Variants in CIAO2A observed in about 807,000 individuals in gnomAD.
The protein encoded by CIAO2A is MIP18 family protein FAM96A.
Under a neutral mutation model 22.4 loss-of-function variants are expected in CIAO2A, and 17 were observed. That is an observed-to-expected ratio of 0.76 (90% confidence interval 0.52 to 1.14). The LOEUF is 1.14. Ranked by LOEUF, CIAO2A falls within the 50% of genes most tolerant of loss-of-function variation. The pLI, the probability that CIAO2A is intolerant of heterozygous loss-of-function variation, is 0.00. For missense variants in CIAO2A, 192 were observed against 191.4 expected, an observed-to-expected ratio of 1.00 and a Z score of -0.02; for synonymous variants, 74 against 72.3, an observed-to-expected ratio of 1.02 and a Z score of -0.12.
chr15:64,075,296 A>C lies in CIAO2A; in HGVS notation c.385+196T>G. Reference sequence around the variant, plus strand: ...AAACCAGTCAACATCCGTGGGCTCTAGTGCACTCGGAGTCCACTGCAAAAA... The same window carrying C: ...AAACCAGTCAACATCCGTGGGCTCTCGTGCACTCGGAGTCCACTGCAAAAA... On this transcript the variant is annotated intron_variant, in intron 4 of 4. Coordinates refer to ENST00000300030, the MANE Select transcript of CIAO2A (RefSeq NM_032231.7). 6 of 489,550 alleles carry C rather than the reference A, an allele frequency of 1.2e-5. No homozygotes were observed. In the South Asian group the frequency reaches 1.7e-4, roughly 14 times the overall value. The allele number at this position is 489,550 out of a possible 1,614,324, so 30.3% of individuals were successfully genotyped here.
intron 2 of CIAO2A, among the ~76,000 whole-genome samples, chr15:64,088,108 C>A (rs947566028): frequency 2.6e-5 from 4 of 152,056 alleles, no homozygotes; most frequent in African/African-American, 9.7e-5. Context: ...AAATAAAATC[C>A]CTTTATAACA....
Position 64,073,046 on chromosome 15 carries a change from A to T in CIAO2A, c.386-18T>A. The T allele has an allele frequency of 6.4e-7, 1 of 1,557,010 alleles. No individual in the cohort carries two copies. The highest frequency in any genetic ancestry group is 8.9e-7 in the Non-Finnish European group (1 of 1,128,732). ...CTTATTGACTGAAAAATACACAGAC[A>T]AAAGTTAGCAGAAGAACTGTGTCAA... On this transcript the variant is annotated intron_variant, in intron 4 of 4. Transcript: ENST00000300030.
intron 1 of CIAO2A, among the ~76,000 whole-genome samples, chr15:64,091,181 T>G (rs2080836982): frequency 6.6e-6 from 1 of 152,188 alleles, no homozygotes; most frequent in Non-Finnish European, 1.5e-5. Context: ...GCTTGTCACT[T>G]GATTAGAAAC....
At chr15:64,090,371 C>G (rs546029099) in intron 1 of CIAO2A, 1 of 153,746 alleles carries the variant, frequency 6.5e-6, no homozygotes, top group South Asian at 1.8e-4. Flanking sequence ...AACAAAAAAA[C>G]CTGATGCCTG....
intron 2 of CIAO2A, among the ~76,000 whole-genome samples, chr15:64,085,341 T>C (rs1033704939): frequency 1.3e-5 from 2 of 152,060 alleles, no homozygotes; most frequent in Admixed American, 6.5e-5. Flanking sequence ...CTGGGCAACA[T>C]GGCAAAACTA....
chr15:64,073,606 T>C lies in CIAO2A; in HGVS notation c.386-578A>G, dbSNP rs534089549. On this transcript the variant is annotated intron_variant, in intron 4 of 4. Coordinates refer to ENST00000300030, the MANE Select transcript of CIAO2A (RefSeq NM_032231.7). Reference sequence around the variant, plus strand: ...CAATACCTGGTATTATTATCATTGTTATTATTATTCTTTGAGACAGGGTCC... The same window carrying C: ...CAATACCTGGTATTATTATCATTGTCATTATTATTCTTTGAGACAGGGTCC... 3.3e-5 allele frequency among the ~76,000 whole-genome samples: 5 copies of C among 152,290 alleles called. No homozygotes were observed. In the South Asian group the frequency reaches 8.3e-4, roughly 25 times the overall value.
chr15:64,079,270 G>A (rs977243232), intron 3 of CIAO2A, among the ~76,000 whole-genome samples: 1 of 152,260 alleles, frequency 6.6e-6, no homozygotes, highest in East Asian at 1.9e-4. Context: ...GCCAGGCCCA[G>A]TGGTTCATGC....
At chr15:64,090,729 G>A (rs918731818) in intron 1 of CIAO2A, among the ~76,000 whole-genome samples, 5 of 152,212 alleles carry the variant, frequency 3.3e-5, no homozygotes, top group African/African-American at 1.2e-4. Context: ...GGGGAAGCAA[G>A]TAGGAACTGA....
At chr15:64,092,878 T>G (rs1017106085) in intron 1 of CIAO2A, among the ~76,000 whole-genome samples, 1 of 152,258 alleles carries the variant, frequency 6.6e-6, no homozygotes, top group Non-Finnish European at 1.5e-5. Flanking sequence ...CAAAAAGTTG[T>G]AAGGCAATTG....
chr15:64,086,655 T>C (rs143298569), intron 2 of CIAO2A, among the ~76,000 whole-genome samples: 7,087 of 151,244 alleles, frequency 0.047, 193 homozygotes, highest in South Asian at 0.1. Context: ...ACTCTGTTGC[T>C]TAGGCTGGAG....
At chr15:64,089,011 C>G (rs2080819317) in intron 1 of CIAO2A, among the ~76,000 whole-genome samples, 160 bp from the exon 2 acceptor site, 1 of 152,178 alleles carries the variant, frequency 6.6e-6, no homozygotes, top group South Asian at 2.1e-4. Context: ...CTGGTTTCCT[C>G]TTGAGAAAAC....
At chr15:64,082,605 G>T (rs912282894) in intron 2 of CIAO2A, among the ~76,000 whole-genome samples, 3 of 152,034 alleles carry the variant, frequency 2.0e-5, no homozygotes, top group Non-Finnish European at 4.4e-5. Context: ...CCTTAAGAGG[G>T]TCTCTCTTCA....
chr15:64,091,493 A>G (rs2080839339), intron 1 of CIAO2A, among the ~76,000 whole-genome samples: 1 of 151,990 alleles, frequency 6.6e-6, no homozygotes, highest in African/African-American at 2.4e-5. Flanking sequence ...CAAAAAAAAA[A>G]AAAAAAGAAA....
At position 64,076,653 on chromosome 15, in the gene CIAO2A, A is replaced by G. The variant is rs114422829; in HGVS notation, c.340-1116T>C. 6.7e-3 allele frequency among the ~76,000 whole-genome samples: 1,012 copies of G among 151,496 alleles called. 9 individuals carry two copies. Among genetic ancestry groups the G allele is most frequent in the African/African-American group, 0.024 (973 of 41,244 alleles). ...TTACTTATTTACTACGGAGATAAAC[A>G]TTTCTCATGAGTGAGAAAAATCATA... On this transcript the variant is annotated intron_variant, in intron 3 of 4. Coordinates refer to ENST00000300030, the MANE Select transcript of CIAO2A (RefSeq NM_032231.7).
At chr15:64,080,579 G>A (rs1284258148) in intron 3 of CIAO2A, among the ~76,000 whole-genome samples, 1 of 152,144 alleles carries the variant, frequency 6.6e-6, no homozygotes, top group Non-Finnish European at 1.5e-5. Context: ...CTACTCGGGA[G>A]GCTGAGGCAG....
intron 2 of CIAO2A, among the ~76,000 whole-genome samples, chr15:64,085,411 T>A (rs1461570763): frequency 6.6e-6 from 1 of 152,002 alleles, no homozygotes; most frequent in South Asian, 2.1e-4. Context: ...GGTGGGAGGA[T>A]CACTTGAGCC....
intron 3 of CIAO2A, among the ~76,000 whole-genome samples, chr15:64,078,646 A>T (rs115080204): frequency 0.045 from 6,857 of 151,470 alleles, 229 homozygotes; most frequent in South Asian, 0.084. Context: ...AAACAAAAAA[A>T]AAAAAAAAAG....
intron 3 of CIAO2A, among the ~76,000 whole-genome samples, chr15:64,075,864 T>A (rs942046635): frequency 6.6e-6 from 1 of 152,006 alleles, no homozygotes; most frequent in African/African-American, 2.4e-5. Context: ...GGTTTCGCCA[T>A]GTTGGCCAGA....
intron 2 of CIAO2A, among the ~76,000 whole-genome samples, chr15:64,081,713 AT>A (rs2080760660): frequency 6.6e-6 from 1 of 151,554 alleles, no homozygotes. Context: ...ATTTTTATAT[AT>A]TTTTGGTACA....
Sources: allele counts gnomAD v4.1 joint callset (sites outside exome capture counted in the v4.1 genomes callset), GRCh38; gene constraint gnomAD v4.1.1; transcripts MANE v1.5; gene names NCBI Gene and HGNC (gene_info 2026-07-23, HGNC 2026-07-21).